The following FCF1 variants were observed in gnomAD, a reference collection of about 807,000 sequenced individuals.
FCF1 encodes the protein FCF1 rRNA-processing protein.
In FCF1, 17 loss-of-function variants were observed where a neutral mutation model predicts 32.5. The observed-to-expected ratio is 0.52, with a 90% confidence interval of 0.36 to 0.78. FCF1 has a LOEUF of 0.78. Among genes scored for constraint, FCF1 ranks in the 30% least tolerant of loss-of-function variants. FCF1 has a pLI of 0.00. For missense variants in FCF1, 201 were observed against 241.1 expected (o/e 0.83, Z 1.10); for synonymous variants, 84 against 78.4 (o/e 1.07, Z -0.38).
rs1274860445 is a variant in FCF1, at chr14:74,714,942, G to A, written c.142G>A (p.Val48Ile). The change falls in exon 3 of 8, where the codon GTT becomes ATT. Residue 48 changes from valine (V) to isoleucine (I), a missense_variant and splice_region_variant. By Grantham distance (29) the Val-to-Ile change is conservative. Coordinates refer to ENST00000341162, the MANE Select transcript of FCF1 (RefSeq NM_015962.5). ...TCCCAGCGCATTAAAGGAAAGAGAA[G>A]TGTGAGTAATCAAACGTTTGAAGTT... ...KDPSALKERE[V>I]PQHPSCLFFQ... 6.3e-7 allele frequency: 1 copy of A among 1,575,268 alleles called. No individual in the cohort carries two copies. The highest frequency in any genetic ancestry group is 8.6e-7 in the Non-Finnish European group (1 of 1,157,704).
At chr14:74,718,663 G>A (rs1019081465) in intron 4 of FCF1, among the ~76,000 whole-genome samples, 11 of 151,672 alleles carry the variant, frequency 7.3e-5, no homozygotes, top group East Asian at 1.9e-4. Flanking sequence ...GTAGAGACGG[G>A]GTTTCTCTAT....
intron 2 of FCF1, 90 bp from the exon 3 acceptor site, chr14:74,714,777 CCAAAA>C: frequency 7.7e-7 from 1 of 1,294,090 alleles, no homozygotes; most frequent in East Asian, 2.7e-5. Flanking sequence ...CTTCAGTAGA[CCAAAA>C]AAAAAAAAAA....
intron 6 of FCF1, 48 bp downstream of exon 6, chr14:74,732,866 G>T (rs1334049095): frequency 9.9e-7 from 1 of 1,010,860 alleles, no homozygotes; most frequent in East Asian, 2.4e-5. Flanking sequence ...AAAAAAAAAT[G>T]TAAACTATTA....
chr14:74,723,122 T>A (rs2090528277), intron 4 of FCF1, 150 bp from the exon 5 acceptor site: 1 of 591,122 alleles, frequency 1.7e-6, no homozygotes, highest in African/African-American at 1.9e-5. Context: ...GGTTTTCTTC[T>A]ACTCTAGTTC....
Position 74,735,058 on chromosome 14 carries a change from A to G in FCF1, c.*128A>G, listed in dbSNP as rs2090689296. 1 of 689,782 alleles carries G rather than the reference A, an allele frequency of 1.4e-6. No individual in the cohort carries two copies. The highest frequency in any genetic ancestry group is 2.5e-6 in the Non-Finnish European group (1 of 394,972). The allele number at this position is 689,782 out of a possible 1,614,324, so 42.7% of individuals were successfully genotyped here. On this transcript the variant is annotated 3_prime_UTR_variant, in exon 8 of 8. Coordinates refer to ENST00000341162, the MANE Select transcript of FCF1 (RefSeq NM_015962.5). ...GATGGAGTTCAGGGAGATATTTATT[A>G]TTTAGGTGCACCAGCCCAGTCAGAT... is the stretch of plus-strand genomic sequence containing the variant.
rs764061108 is a variant in FCF1 at position 74,713,206 on chromosome 14, A to G, written c.3+6A>G. On this transcript the variant is annotated splice_donor_region_variant and intron_variant, in intron 1 of 7. Coordinates refer to ENST00000341162, the MANE Select transcript of FCF1 (RefSeq NM_015962.5). The stretch of plus-strand genomic sequence containing the variant: ...AGGAGTTTGGCGTGACCATGGTGAG[A>G]GAAGACGGTCCAAGAAGGGACGTTA... 5.6e-6 allele frequency: 9 copies of G among 1,614,046 alleles called. No homozygotes were observed. The South Asian group carries it at 9.9e-5, about 18-fold the overall frequency.
chr14:74,726,395 G>A (rs1325254584), intron 5 of FCF1, among the ~76,000 whole-genome samples: 1 of 151,974 alleles, frequency 6.6e-6, no homozygotes, highest in African/African-American at 2.4e-5. Flanking sequence ...GCTGAGGTAG[G>A]AGGATTGCTT....
At chr14:74,717,512 T>C (rs1237431518) in intron 4 of FCF1, among the ~76,000 whole-genome samples, 6 of 152,222 alleles carry the variant, frequency 3.9e-5, no homozygotes, top group Non-Finnish European at 1.5e-5. Context: ...CATTGTTTTT[T>C]CATATAGGCC....
At chr14:74,718,478 T>A (rs2090451827) in intron 4 of FCF1, among the ~76,000 whole-genome samples, 1 of 151,754 alleles carries the variant, frequency 6.6e-6, no homozygotes, top group Non-Finnish European at 1.5e-5. Context: ...AGTATTAAAA[T>A]ATATATATAT....
At chr14:74,731,627 GT>G in intron 5 of FCF1, among the ~76,000 whole-genome samples, 1 of 152,254 alleles carries the variant, frequency 6.6e-6, no homozygotes, top group Non-Finnish European at 1.5e-5. Context: ...AGAAAGATGT[GT>G]TTACTCTTCC....
chr14:74,714,825 T>C, intron 2 of FCF1, 47 bp from the exon 3 acceptor site: 3 of 1,512,318 alleles, frequency 2.0e-6, no homozygotes, highest in Non-Finnish European at 2.6e-6. Context: ...TTTTAATTGC[T>C]GTGGTTTTTC....
rs533325305 is a variant in FCF1 at position 74,716,907 on chromosome 14, A to T, written c.292+808A>T. ...TAAAGGCTACTATATAATGAACAACAGTTGCAGAGTGATAGAAATGGTAAA... is the reference window on the plus strand; with the variant it reads ...TAAAGGCTACTATATAATGAACAACTGTTGCAGAGTGATAGAAATGGTAAA... On this transcript the variant is annotated intron_variant, in intron 4 of 7. Transcript: ENST00000341162. Among the ~76,000 whole-genome samples the T allele has an allele frequency of 7.2e-5, 11 of 152,362 alleles. No individual in the cohort carries two copies. In the South Asian group the frequency reaches 2.3e-3, roughly 32 times the overall value.
At chr14:74,716,246 A>G in intron 4 of FCF1, 147 bp downstream of exon 4, 1 of 710,250 alleles carries the variant, frequency 1.4e-6, no homozygotes, top group Non-Finnish European at 2.3e-6. Flanking sequence ...GACCATGTTT[A>G]ATGAATTGAA....
intron 4 of FCF1, among the ~76,000 whole-genome samples, chr14:74,716,926 T>C (rs1208726984): frequency 1.3e-5 from 2 of 152,210 alleles, no homozygotes; most frequent in African/African-American, 4.8e-5. Flanking sequence ...GTGATAGAAA[T>C]GGTAAATGTT....
intron 5 of FCF1, among the ~76,000 whole-genome samples, chr14:74,724,662 T>C (rs1446675158): frequency 6.6e-6 from 1 of 152,150 alleles, no homozygotes; most frequent in African/African-American, 2.4e-5. Context: ...CCCAACACCT[T>C]GGGAGGCTGA....
intron 5 of FCF1, among the ~76,000 whole-genome samples, chr14:74,726,594 C>A (rs1465446952): frequency 2.0e-5 from 3 of 148,290 alleles, no homozygotes; most frequent in African/African-American, 7.5e-5. Context: ...GACAACAAGA[C>A]CCCCATCTCT....
chr14:74,717,431 A>C (rs908983083), intron 4 of FCF1, among the ~76,000 whole-genome samples: 2 of 152,212 alleles, frequency 1.3e-5, no homozygotes, highest in African/African-American at 4.8e-5. Context: ...GATGAGAAAA[A>C]AATGGAGCTA....
chr14:74,733,814 T>G (rs940101997), intron 6 of FCF1, among the ~76,000 whole-genome samples: 1 of 152,218 alleles, frequency 6.6e-6, no homozygotes, highest in South Asian at 2.1e-4. Flanking sequence ...GAAAACAGTT[T>G]GCAGCTTGTG....
chr14:74,730,977 G>A (rs988050911), intron 5 of FCF1, among the ~76,000 whole-genome samples: 7 of 151,582 alleles, frequency 4.6e-5, no homozygotes, highest in African/African-American at 1.7e-4. Flanking sequence ...CAGTCTGGGT[G>A]ACAGAATGAG....
Sources: allele counts gnomAD v4.1 joint callset (sites outside exome capture counted in the v4.1 genomes callset), GRCh38; gene constraint gnomAD v4.1.1; transcripts MANE v1.5; gene names NCBI Gene and HGNC (gene_info 2026-07-23, HGNC 2026-07-21).